The following PDE9A variants were observed in gnomAD, a reference collection of about 807,000 sequenced individuals.
The protein encoded by PDE9A is phosphodiesterase 9A, also known as high affinity cGMP-specific 3',5'-cyclic phosphodiesterase 9A.
PDE9A carries 60 observed loss-of-function variants against 87.4 expected under a neutral mutation model. That is an observed-to-expected ratio of 0.69 (90% CI 0.56 to 0.85). PDE9A has a LOEUF of 0.85. PDE9A is among the 40% of genes least tolerant of loss of function. PDE9A has a pLI of 0.00. For synonymous variants in PDE9A, 272 were observed against 279.4 expected (o/e 0.97, Z 0.27); for missense variants, 665 against 779.0 (o/e 0.85, Z 1.74).
intron 9 of PDE9A, 22 bp downstream of exon 9, chr21:42,751,219 G>A: frequency 6.4e-7 from 1 of 1,553,870 alleles, no homozygotes; most frequent in Non-Finnish European, 8.9e-7. Flanking sequence ...TTCCGGCCCA[G>A]AAGAAGCTGC....
intron 3 of PDE9A, among the ~76,000 whole-genome samples, chr21:42,693,415 C>T (rs2059971531): frequency 6.6e-6 from 1 of 151,512 alleles, no homozygotes; most frequent in African/African-American, 2.4e-5. Flanking sequence ...TCTCCTGCCT[C>T]AGCCTCCCGA....
Position 42,726,607 on chromosome 21 carries a change from TATA to T in PDE9A, c.263-5162_263-5160del, listed in dbSNP as rs1569207105. 4.4e-4 allele frequency among the ~76,000 whole-genome samples: 10 copies of T among 22,874 alleles called. 1 individual carries two copies. Among genetic ancestry groups the T allele is most frequent in the African/African-American group, 3.1e-3 (9 of 2,896 alleles). The allele number at this position is 22,874 out of a possible 152,430, so 15.0% of individuals were successfully genotyped here. ...CCACGCCTGGCCATATATATATATA[TATA>T]TATATATATATATATTTTTTTTTTT... On this transcript the variant is annotated intron_variant, in intron 4 of 19. Transcript: ENST00000291539.
chr21:42,661,026 C>G (rs2057442004), intron 1 of PDE9A, among the ~76,000 whole-genome samples: 3 of 147,280 alleles, frequency 2.0e-5, no homozygotes, highest in African/African-American at 7.8e-5. Flanking sequence ...GCTTTAGATT[C>G]TCTGCCAATT....
chr21:42,698,936 G>A (rs1474298661), intron 3 of PDE9A, 32 bp from the exon 4 acceptor site: 2 of 1,582,580 alleles, frequency 1.3e-6, no homozygotes, highest in Non-Finnish European at 1.7e-6. Flanking sequence ...GCCTTGCAGA[G>A]TCTCACAGCG....
At chr21:42,765,631 C>T in intron 15 of PDE9A, 137 bp downstream of exon 15, 2 of 693,284 alleles carry the variant, frequency 2.9e-6, no homozygotes, top group South Asian at 3.1e-5. Context: ...ATCTGGTTTT[C>T]AAGGTCATGA....
Position 42,714,239 on chromosome 21 carries a change from G to A in PDE9A, c.262+15228G>A, listed in dbSNP as rs551163234. Among the ~76,000 whole-genome samples the A allele has an allele frequency of 1.8e-4, 27 of 152,106 alleles. No homozygotes were observed. The South Asian group carries it at 3.3e-3, about 19-fold the overall frequency. ...TCACTGCATTAGCCAGGATGGTCTCGCTCTCCTGACCTCATGATCCACCTG... is the reference window on the plus strand; with the variant it reads ...TCACTGCATTAGCCAGGATGGTCTCACTCTCCTGACCTCATGATCCACCTG... On this transcript the variant is annotated intron_variant, in intron 4 of 19. Transcript: ENST00000291539.
chr21:42,723,542 A>T lies in PDE9A; in HGVS notation c.263-8228A>T, dbSNP rs1036580642. 2.0e-5 allele frequency among the ~76,000 whole-genome samples: 3 copies of T among 152,198 alleles called. No homozygotes were observed. Among genetic ancestry groups the T allele is most frequent in the Non-Finnish European group, 4.4e-5 (3 of 68,044 alleles). On this transcript the variant is annotated intron_variant, in intron 4 of 19. Transcript: ENST00000291539. The surrounding 1 kb of genome is among the most constrained non-coding windows in gnomAD (Gnocchi z 4.3). ...CTTCTGCCTTTATGAAAGTCATGGT[A>T]TCTAGAGGTAAATCCCCATCAGCTT...
intron 1 of PDE9A, among the ~76,000 whole-genome samples, chr21:42,658,337 A>G (rs368154308): frequency 1.6e-4 from 25 of 152,036 alleles, no homozygotes; most frequent in Non-Finnish European, 1.0e-4. Context: ...GCCTGGTTCT[A>G]CTGATCTGTC....
At chr21:42,663,645 G>T (rs1018951405) in intron 1 of PDE9A, among the ~76,000 whole-genome samples, 4 of 152,182 alleles carry the variant, frequency 2.6e-5, no homozygotes, top group Admixed American at 6.5e-5. Context: ...GACTCTTGGG[G>T]GCGGGGTGCC....
Position 42,653,795 on chromosome 21 carries a change from G to A in PDE9A, c.-20G>A, listed in dbSNP as rs1406676484. 1 of 1,518,354 alleles carries A rather than the reference G, an allele frequency of 6.6e-7. No homozygotes were observed. Among genetic ancestry groups the A allele is most frequent in the Non-Finnish European group, 8.8e-7 (1 of 1,130,974 alleles). 94.1% of individuals were successfully genotyped at this position (1,518,354 alleles called of 1,614,324 possible). A position where few individuals can be genotyped will look rare whatever the true frequency, so the allele number is the denominator to read the frequency against. On this transcript the variant is annotated 5_prime_UTR_variant, in exon 1 of 20. It adds an upstream start codon to the 5' untranslated region. Transcript: ENST00000291539. ...CGGGAAAGTACAGTAAAAAGTCCGA[G>A]TGCAGCCGCCGGGCGCAGGATGGGA...
chr21:42,749,941 C>T (rs2054249662), intron 8 of PDE9A, among the ~76,000 whole-genome samples: 4 of 152,030 alleles, frequency 2.6e-5, no homozygotes, highest in Non-Finnish European at 5.9e-5. Context: ...AGTTCACGAC[C>T]AGCCTGGCCA....
chr21:42,698,842 T>TAAA, intron 3 of PDE9A, 126 bp from the exon 4 acceptor site: 1 of 556,694 alleles, frequency 1.8e-6, no homozygotes, highest in South Asian at 2.9e-5. Context: ...ATTTAAAAAA[T>TAAA]AAAAATAAAT....
rs529860082 is a variant in PDE9A, at chr21:42,675,355, C to T, written c.70-10837C>T. ...AATCCAGAGGAACACGCTCAGTGTG[C>T]ATCTTTGCTTGCAGCAGGGCAGCGC... is the stretch of plus-strand genomic sequence containing the variant. On this transcript the variant is annotated intron_variant, in intron 1 of 19. Transcript: ENST00000291539. This position sits in a 1 kb window ranked among gnomAD's most constrained non-coding sequence, Gnocchi z 4.3. Among the ~76,000 whole-genome samples the T allele has an allele frequency of 5.3e-5, 8 of 152,356 alleles. No individual in the cohort carries two copies. The highest frequency in any genetic ancestry group is 1.9e-4 in the African/African-American group (8 of 41,592).
intron 4 of PDE9A, among the ~76,000 whole-genome samples, chr21:42,731,326 A>G (rs10427533): frequency 0.14 from 21,749 of 152,006 alleles, 1,701 homozygotes; most frequent in East Asian, 0.33. Flanking sequence ...AAGATGACGT[A>G]AACTTATGAC....
At chr21:42,677,534 G>A (rs375161625) in intron 1 of PDE9A, among the ~76,000 whole-genome samples, 79 of 152,178 alleles carry the variant, frequency 5.2e-4, no homozygotes, top group Non-Finnish European at 9.1e-4. Flanking sequence ...CTGTCCCCGC[G>A]ACCCAGCCCC....
At chr21:42,665,192 T>C (rs1198790670) in intron 1 of PDE9A, among the ~76,000 whole-genome samples, 1 of 152,212 alleles carries the variant, frequency 6.6e-6, no homozygotes, top group Non-Finnish European at 1.5e-5. Context: ...CCCTAGAAGC[T>C]GGAAGAGGCA....
At chr21:42,765,722 C>T in intron 15 of PDE9A, 1 of 520,836 alleles carries the variant, frequency 1.9e-6, no homozygotes, top group Admixed American at 3.3e-5. Context: ...TCCCATTCCT[C>T]CATCTCTTTT....
chr21:42,702,436 C>T lies in PDE9A; in HGVS notation c.262+3425C>T, dbSNP rs1184057519. On this transcript the variant is annotated intron_variant, in intron 4 of 19. Transcript: ENST00000291539. The surrounding 1 kb of genome is among the most constrained non-coding windows in gnomAD (Gnocchi z 4.9). The stretch of plus-strand genomic sequence containing the variant: ...CATGCCATTGTCTGCTGGTTTCCTC[C>T]TCTCTGCCATATCCGAGTCTGTCTC... Among the ~76,000 whole-genome samples, 1 of 152,080 alleles carries T rather than the reference C, an allele frequency of 6.6e-6. No individual in the cohort carries two copies. Among genetic ancestry groups the T allele is most frequent in the Non-Finnish European group, 1.5e-5 (1 of 68,040 alleles).
intron 7 of PDE9A, among the ~76,000 whole-genome samples, chr21:42,743,432 C>T (rs1287161980): frequency 2.0e-5 from 3 of 152,246 alleles, no homozygotes; most frequent in Admixed American, 6.5e-5. Flanking sequence ...GTCCCATGTC[C>T]TCAGCTGGTG....
Sources: gnomAD v4.1 joint callset for allele counts (sites outside exome capture counted in the v4.1 genomes callset) on GRCh38, gnomAD v4.1.1 for gene constraint, Gnocchi (gnomAD v3.1) non-coding constraint, MANE v1.5 for transcripts, NCBI Gene and HGNC (gene_info 2026-07-23, HGNC 2026-07-21) for gene names.